The following PDE4D variants were observed in gnomAD, a reference collection of about 807,000 sequenced individuals.
The protein encoded by PDE4D is phosphodiesterase 4D, also known as 3',5'-cyclic-AMP phosphodiesterase 4D.
PDE4D carries 24 observed loss-of-function variants against 87.4 expected under a neutral mutation model. That is an observed-to-expected ratio of 0.27 (90% CI 0.20 to 0.39). PDE4D has a LOEUF of 0.39. PDE4D is among the 10% of genes least tolerant of loss of function. PDE4D has a pLI of 1.00. For synonymous variants in PDE4D, 384 were observed against 383.2 expected (o/e 1.00, Z -0.02); for missense variants, 714 against 1,041.0 (o/e 0.69, Z 4.32).
intron 1 of PDE4D, among the ~76,000 whole-genome samples, chr5:59,838,411 T>G (rs1337350618): frequency 1.3e-5 from 2 of 152,072 alleles, no homozygotes; most frequent in African/African-American, 4.8e-5. Flanking sequence ...TCCAGGGGTG[T>G]TTCCACCATG....
At chr5:60,182,914 T>C (rs2149504224) in intron 2 of PDE4D, among the ~76,000 whole-genome samples, 1 of 152,112 alleles carries the variant, frequency 6.6e-6, no homozygotes, top group South Asian at 2.1e-4. Context: ...CAAACTCTCT[T>C]ATGGACCAAA....
intron 1 of PDE4D, among the ~76,000 whole-genome samples, chr5:60,234,135 C>CA (rs1746139809): frequency 6.6e-6 from 1 of 151,798 alleles, no homozygotes; most frequent in Admixed American, 6.6e-5. Context: ...TGTCGGAAGA[C>CA]ACTAATCAAC....
intron 3 of PDE4D, among the ~76,000 whole-genome samples, chr5:59,931,891 T>C (rs2962203): frequency 0.41 from 61,695 of 151,660 alleles, 12,836 homozygotes; most frequent in African/African-American, 0.47. Context: ...TTAGCAGAGA[T>C]GGGGTTTCAC....
chr5:59,488,185 A>AAAAAAAAATG (rs1805506975), intron 1 of PDE4D, among the ~76,000 whole-genome samples: 1 of 142,274 alleles, frequency 7.0e-6, no homozygotes, highest in Non-Finnish European at 1.5e-5. Flanking sequence ...AAAAAAAAAA[A>AAAAAAAAATG]AAATGTGTAA....
chr5:60,286,258 T>G (rs1752406786), intron 1 of PDE4D, among the ~76,000 whole-genome samples: 1 of 152,166 alleles, frequency 6.6e-6, no homozygotes, highest in African/African-American at 2.4e-5. Context: ...GCAGAAGCTG[T>G]AAAGTAATAC....
At chr5:59,402,745 T>C (rs1306311674) in intron 1 of PDE4D, among the ~76,000 whole-genome samples, 1 of 152,166 alleles carries the variant, frequency 6.6e-6, no homozygotes, top group South Asian at 2.1e-4. Context: ...GCAGGAGTCT[T>C]TTGTGCCACC....
intron 1 of PDE4D, among the ~76,000 whole-genome samples, chr5:59,311,163 T>C (rs1182381505): frequency 6.6e-6 from 1 of 152,062 alleles, no homozygotes; most frequent in Non-Finnish European, 1.5e-5. Flanking sequence ...CACTGGTTTA[T>C]TCCAGAACTC....
At chr5:59,709,043 G>T (rs906052041) in intron 1 of PDE4D, among the ~76,000 whole-genome samples, 1 of 151,776 alleles carries the variant, frequency 6.6e-6, no homozygotes, top group Non-Finnish European at 1.5e-5. Context: ...CTTAAAAAGT[G>T]CTTTAAAGAT....
intron 1 of PDE4D, among the ~76,000 whole-genome samples, chr5:60,487,348 C>A (rs933959873): frequency 6.6e-6 from 1 of 152,052 alleles, no homozygotes; most frequent in Non-Finnish European, 1.5e-5. Context: ...TTCATTCAGC[C>A]CTCTACCACA....
intron 1 of PDE4D, among the ~76,000 whole-genome samples, chr5:59,312,394 C>G: frequency 6.6e-6 from 1 of 152,182 alleles, no homozygotes; most frequent in East Asian, 1.9e-4. Flanking sequence ...GGAGGGGCTA[C>G]AGCTGTTCCC....
intron 1 of PDE4D, among the ~76,000 whole-genome samples, chr5:59,238,962 G>A (rs990170337): frequency 7.9e-5 from 12 of 152,168 alleles, no homozygotes; most frequent in African/African-American, 2.9e-4. Flanking sequence ...ATCTCAGAAA[G>A]GTTTTCTTTG....
intron 2 of PDE4D, among the ~76,000 whole-genome samples, chr5:60,118,519 C>T (rs970913486): frequency 2.0e-5 from 3 of 151,200 alleles, no homozygotes; most frequent in Non-Finnish European, 4.4e-5. Context: ...AGTTTTTGAC[C>T]TCTGCATGGA....
chr5:59,867,209 GAGA>G (rs374543703), intron 1 of PDE4D, among the ~76,000 whole-genome samples: 104 of 152,172 alleles, frequency 6.8e-4, no homozygotes, highest in East Asian at 2.3e-3. Flanking sequence ...CTTGATCCCA[GAGA>G]AGAAGATCTT....
intron 1 of PDE4D, among the ~76,000 whole-genome samples, chr5:59,579,911 C>A (rs957105437): frequency 6.6e-6 from 1 of 152,184 alleles, no homozygotes; most frequent in Non-Finnish European, 1.5e-5. Flanking sequence ...ACCACAAATT[C>A]CTTTTAAATT....
intron 1 of PDE4D, among the ~76,000 whole-genome samples, chr5:59,312,265 T>C (rs945424080): frequency 5.3e-5 from 8 of 152,220 alleles, no homozygotes; most frequent in South Asian, 4.1e-4. Flanking sequence ...TTTAGATTAA[T>C]TTGGAAGGAC....
chr5:59,511,450 T>A (rs1392813503), intron 1 of PDE4D, among the ~76,000 whole-genome samples: 1 of 151,996 alleles, frequency 6.6e-6, no homozygotes, highest in African/African-American at 2.4e-5. Context: ...TACATCTTGG[T>A]AGAATCATGG....
intron 1 of PDE4D, among the ~76,000 whole-genome samples, chr5:59,525,101 C>T (rs936597798): frequency 1.3e-5 from 2 of 152,220 alleles, no homozygotes; most frequent in African/African-American, 4.8e-5. Flanking sequence ...AAGAGGGCAA[C>T]CATCCTCCAG....
chr5:58,999,095 T>C (rs1055420387), intron 6 of PDE4D, among the ~76,000 whole-genome samples: 2 of 152,200 alleles, frequency 1.3e-5, no homozygotes, highest in African/African-American at 4.8e-5. Flanking sequence ...TAAAGTAGTA[T>C]AGATTTTTAG....
At chr5:60,142,107 C>G (rs771639239) in intron 2 of PDE4D, among the ~76,000 whole-genome samples, 1 of 151,590 alleles carries the variant, frequency 6.6e-6, no homozygotes, top group Admixed American at 6.6e-5. Flanking sequence ...AGCCTAGAAA[C>G]TGCATGGAAA....
Sources: allele counts gnomAD v4.1 joint callset (sites outside exome capture counted in the v4.1 genomes callset), GRCh38; gene constraint gnomAD v4.1.1; transcripts MANE v1.5; gene names NCBI Gene and HGNC (gene_info 2026-07-23, HGNC 2026-07-21).